Variants in BANP observed in about 807,000 individuals in gnomAD.
The protein encoded by BANP is BTG3 associated nuclear protein.
A neutral mutation model predicts 68.1 loss-of-function variants in BANP; 11 were observed. The observed-to-expected ratio is 0.16, with a 90% CI of 0.10 to 0.27. The LOEUF is 0.27. Among genes scored for constraint, BANP ranks in the 10% least tolerant of loss-of-function variants. The probability of loss-of-function intolerance (pLI) is 1.00; values close to 1 mark genes in which losing one functional copy is unlikely to be tolerated. For missense variants in BANP, 504 were observed against 722.7 expected (o/e 0.70, Z 3.47); for synonymous variants, 329 against 303.2 (o/e 1.09, Z -0.88).
Position 88,042,294 on chromosome 16 carries a change from G to A in BANP, c.1311+4283G>A, listed in dbSNP as rs181170107. Among the ~76,000 whole-genome samples the A allele has an allele frequency of 1.2e-4, 18 of 152,378 alleles. 1 individual carries two copies. The highest frequency in any genetic ancestry group is 2.4e-4 in the Non-Finnish European group (16 of 68,038). ...AGCCATTTGGGAAGATGAGGTTCAGGGGACGGTGGCGGGTGCGCAGGTGTG... is the reference window on the plus strand; with the variant it reads ...AGCCATTTGGGAAGATGAGGTTCAGAGGACGGTGGCGGGTGCGCAGGTGTG... On this transcript the variant is annotated intron_variant, in intron 11 of 13. Coordinates refer to ENST00000682872, the MANE Select transcript of BANP (RefSeq NM_001386991.1).
chr16:87,990,254 A>G (rs999172739), intron 4 of BANP, among the ~76,000 whole-genome samples: 24 of 152,312 alleles, frequency 1.6e-4, no homozygotes, highest in Non-Finnish European at 3.4e-4. Flanking sequence ...TGTTTCTACA[A>G]TTTTACAACA....
At chr16:88,075,529 A>T (rs1475529998) in intron 13 of BANP, among the ~76,000 whole-genome samples, 3 of 152,138 alleles carry the variant, frequency 2.0e-5, no homozygotes, top group African/African-American at 7.2e-5. Context: ...GCAGGACCTT[A>T]ACTAGAGTAG....
intron 11 of BANP, 36 bp downstream of exon 11, chr16:88,038,047 G>A: frequency 1.2e-6 from 2 of 1,607,412 alleles, no homozygotes; most frequent in Non-Finnish European, 1.7e-6. Context: ...TGCGGGCGTT[G>A]CGCTGCCGAG....
chr16:88,034,144 A>C (rs2078797214), intron 9 of BANP, among the ~76,000 whole-genome samples: 4 of 152,164 alleles, frequency 2.6e-5, no homozygotes, highest in African/African-American at 9.7e-5. Context: ...GGCTTCCGGA[A>C]AATTCTGGGG....
At position 88,003,563 on chromosome 16, in the gene BANP, G is replaced by T. The variant is rs989192952; in HGVS notation, c.363-732G>T. 1 of 456,180 alleles carries T rather than the reference G, an allele frequency of 2.2e-6. No homozygotes were observed. The highest frequency in any genetic ancestry group is 4.4e-6 in the Non-Finnish European group (1 of 226,932). The allele number at this position is 456,180 out of a possible 1,614,324, so 28.3% of individuals were successfully genotyped here. On this transcript the variant is annotated intron_variant, in intron 4 of 13. Transcript: ENST00000682872. The surrounding 1 kb of genome is among the most constrained non-coding windows in gnomAD (Gnocchi z 6.1). ...TAAAAACGCATGATTGAAAACTGTG[G>T]GTGAGTCTGTACTTTGAGATGAAGC...
intron 4 of BANP, among the ~76,000 whole-genome samples, chr16:87,994,202 G>T (rs1461236859): frequency 6.6e-6 from 1 of 152,230 alleles, no homozygotes; most frequent in African/African-American, 2.4e-5. Flanking sequence ...ATCCTGTGCC[G>T]TTGCAGAGTG....
At position 88,002,867 on chromosome 16, in the gene BANP, CCTT is replaced by C. The variant is rs1259570417; in HGVS notation, c.363-1423_363-1421del. Among the ~76,000 whole-genome samples, 4 of 152,328 alleles carry C rather than the reference CCTT, an allele frequency of 2.6e-5. No individual in the cohort carries two copies. The highest frequency in any genetic ancestry group is 1.3e-4 in the Admixed American group (2 of 15,304). ...ACTGTTGGCTTCTCAGCAGCACCGTCCTTCTTCAGTTGCTCATGGGGGGAGAGA... is the reference window on the plus strand; with the variant it reads ...ACTGTTGGCTTCTCAGCAGCACCGTCCTTCAGTTGCTCATGGGGGGAGAGA... On this transcript the variant is annotated intron_variant, in intron 4 of 13. Transcript: ENST00000682872. This position sits in a 1 kb window ranked among gnomAD's most constrained non-coding sequence, Gnocchi z 4.6.
At chr16:88,045,088 TA>T (rs1228697201) in intron 11 of BANP, among the ~76,000 whole-genome samples, 1 of 152,234 alleles carries the variant, frequency 6.6e-6, no homozygotes, top group African/African-American at 2.4e-5. Context: ...GGGAAGCTTT[TA>T]AAAAAATCAC....
At chr16:88,041,946 T>G (rs2080909828) in intron 11 of BANP, among the ~76,000 whole-genome samples, 3 of 151,668 alleles carry the variant, frequency 2.0e-5, no homozygotes, top group Non-Finnish European at 2.9e-5. Context: ...GGAGACGCAG[T>G]AGGAGGGTGA....
intron 7 of BANP, 64 bp from the exon 8 acceptor site, chr16:88,027,419 C>T: frequency 6.3e-7 from 1 of 1,591,448 alleles, no homozygotes; most frequent in Non-Finnish European, 8.6e-7. Context: ...GCCCTGCAGC[C>T]AGGCAGCTCC....
chr16:88,047,761 A>C (rs935740648), intron 11 of BANP, among the ~76,000 whole-genome samples: 1 of 152,240 alleles, frequency 6.6e-6, no homozygotes, highest in African/African-American at 2.4e-5. Context: ...AGAGGATTTA[A>C]AATACCAGTG....
intron 4 of BANP, among the ~76,000 whole-genome samples, chr16:87,989,787 C>T (rs1200039371): frequency 1.3e-4 from 16 of 121,674 alleles, no homozygotes; most frequent in African/African-American, 5.2e-4. Context: ...GATGCAGGCC[C>T]GCGTGGCTGC....
intron 4 of BANP, among the ~76,000 whole-genome samples, chr16:87,994,836 T>C (rs575753899): frequency 7.2e-4 from 110 of 152,172 alleles, no homozygotes; most frequent in Non-Finnish European, 2.1e-4. Flanking sequence ...TAGTAAATGT[T>C]TGATTAGTCT....
At chr16:88,038,288 GCT>G (rs1306315222) in intron 11 of BANP, among the ~76,000 whole-genome samples, 1 of 152,182 alleles carries the variant, frequency 6.6e-6, no homozygotes, top group East Asian at 1.9e-4. Flanking sequence ...AGGAATGGGG[GCT>G]CTCGCGGGAG....
chr16:88,011,858 C>T (rs949773723), intron 6 of BANP, among the ~76,000 whole-genome samples: 1 of 152,120 alleles, frequency 6.6e-6, no homozygotes, highest in African/African-American at 2.4e-5. Flanking sequence ...TTTCCCATCC[C>T]AAATATTCAT....
intron 11 of BANP, among the ~76,000 whole-genome samples, chr16:88,059,430 G>A (rs1306424019): frequency 6.6e-6 from 1 of 152,068 alleles, no homozygotes; most frequent in Non-Finnish European, 1.5e-5. Flanking sequence ...GGGCCCACCT[G>A]AGCCCAGTGT....
At chr16:88,008,764 C>G (rs2072069515) in intron 6 of BANP, among the ~76,000 whole-genome samples, 1 of 152,190 alleles carries the variant, frequency 6.6e-6, no homozygotes, top group African/African-American at 2.4e-5. Context: ...ACTGATTGTT[C>G]TCATCAAACA....
At chr16:88,044,139 C>T (rs1186902135) in intron 11 of BANP, among the ~76,000 whole-genome samples, 1 of 152,254 alleles carries the variant, frequency 6.6e-6, no homozygotes, top group Admixed American at 6.5e-5. Flanking sequence ...CCTGGGCAGA[C>T]TCCCTATAAA....
intron 6 of BANP, among the ~76,000 whole-genome samples, chr16:88,012,534 T>G (rs2073432766): frequency 6.6e-6 from 1 of 152,196 alleles, no homozygotes; most frequent in Non-Finnish European, 1.5e-5. Context: ...AGGATGGCCT[T>G]CTGATTTGTT....
Sources: gnomAD v4.1 joint callset for allele counts (sites outside exome capture counted in the v4.1 genomes callset) on GRCh38, gnomAD v4.1.1 for gene constraint, Gnocchi (gnomAD v3.1) non-coding constraint, MANE v1.5 for transcripts, NCBI Gene and HGNC (gene_info 2026-07-23, HGNC 2026-07-21) for gene names.